The following ATRNL1 variants were observed in gnomAD, a reference collection of about 807,000 sequenced individuals.
ATRNL1 encodes attractin like 1.
Under a neutral mutation model 182.7 loss-of-function variants are expected in ATRNL1, and 95 were observed. The observed-to-expected ratio is 0.52, with a 90% CI of 0.44 to 0.62. The LOEUF (loss-of-function observed/expected upper bound fraction) is 0.62. Ranked by LOEUF, ATRNL1 falls within the 20% of genes least tolerant of loss-of-function variation. The pLI, the probability that ATRNL1 is intolerant of heterozygous loss-of-function variation, is 0.00. For synonymous variants in ATRNL1, 576 were observed against 568.3 expected, an observed-to-expected ratio of 1.01 and a Z score of -0.19; for missense variants, 1,471 against 1,679.5, an observed-to-expected ratio of 0.88 and a Z score of 2.17.
intron 26 of ATRNL1, among the ~76,000 whole-genome samples, chr10:115,694,050 C>G (rs891276513): frequency 6.6e-6 from 1 of 151,882 alleles, no homozygotes; most frequent in African/African-American, 2.4e-5. Context: ...CATATAGTAA[C>G]CCATGTATAA....
chr10:115,729,322 A>G lies in ATRNL1; in HGVS notation c.3903+1967A>G, dbSNP rs1947713360. On this transcript the variant is annotated intron_variant, in intron 27 of 28. Transcript: ENST00000355044. ...CTAGCCCTACTTTCTTTTAGTCCATATTTTCTGATATTCCTTATTTCATTT... is the reference window on the plus strand; with the variant it reads ...CTAGCCCTACTTTCTTTTAGTCCATGTTTTCTGATATTCCTTATTTCATTT... 2.1e-5 allele frequency among the ~76,000 whole-genome samples: 3 copies of G among 146,104 alleles called. No homozygotes were observed. The Admixed American group carries it at 2.1e-4, about 10-fold the overall frequency.
At chr10:115,595,419 G>C (rs1555013685) in intron 26 of ATRNL1, among the ~76,000 whole-genome samples, 1 of 152,070 alleles carries the variant, frequency 6.6e-6, no homozygotes, top group South Asian at 2.1e-4. Context: ...ATATTAACTA[G>C]TGAAAATAGT....
chr10:115,165,149 A>G (rs1554884068), intron 6 of ATRNL1, among the ~76,000 whole-genome samples: 3 of 152,032 alleles, frequency 2.0e-5, no homozygotes, highest in Non-Finnish European at 4.4e-5. Context: ...AAAAAAAAGG[A>G]ATAAAAATAA....
At chr10:115,559,448 G>GCGCGCGCGCGCACGCA (rs1565165032) in intron 26 of ATRNL1, among the ~76,000 whole-genome samples, 13 of 51,620 alleles carry the variant, frequency 2.5e-4, no homozygotes, top group Non-Finnish European at 7.3e-4. Context: ...GTGTGTGCGC[G>GCGCGCGCGCGCACGCA]CGCGCACGCA....
chr10:115,319,219 C>T (rs190003255), intron 18 of ATRNL1, among the ~76,000 whole-genome samples: 78 of 152,174 alleles, frequency 5.1e-4, no homozygotes, highest in African/African-American at 1.5e-3. Flanking sequence ...TTCTTAATCC[C>T]GAGTTCTAAT....
At chr10:115,384,361 A>G (rs1247711410) in intron 19 of ATRNL1, among the ~76,000 whole-genome samples, 1 of 152,034 alleles carries the variant, frequency 6.6e-6, no homozygotes, top group Non-Finnish European at 1.5e-5. Context: ...TTTCCACTGT[A>G]TCTCCTCCCC....
chr10:115,319,174 T>C (rs1386489373), intron 18 of ATRNL1, among the ~76,000 whole-genome samples: 4 of 152,248 alleles, frequency 2.6e-5, no homozygotes, highest in Non-Finnish European at 4.4e-5. Context: ...AGCAGGTTGT[T>C]CAATTTCCAT....
intron 21 of ATRNL1, among the ~76,000 whole-genome samples, chr10:115,439,412 T>C (rs1436355841): frequency 6.6e-6 from 1 of 151,714 alleles, no homozygotes; most frequent in African/African-American, 2.4e-5. Context: ...TGGTTTACAT[T>C]TTTTTTGGCC....
chr10:115,191,295 ATTC>A (rs1254000940), intron 8 of ATRNL1, among the ~76,000 whole-genome samples: 1 of 151,982 alleles, frequency 6.6e-6, no homozygotes, highest in Non-Finnish European at 1.5e-5. Context: ...ACTCCAAACT[ATTC>A]TTCATAGTGG....
intron 15 of ATRNL1, among the ~76,000 whole-genome samples, chr10:115,297,268 A>G (rs1322157681): frequency 1.3e-5 from 2 of 152,176 alleles, no homozygotes; most frequent in Non-Finnish European, 2.9e-5. Context: ...TTTTTAGCAT[A>G]TGGGACAAAC....
chr10:115,159,939 A>G, intron 5 of ATRNL1, 101 bp from the exon 6 acceptor site: 7 of 809,280 alleles, frequency 8.6e-6, no homozygotes, highest in Non-Finnish European at 1.1e-5. Context: ...TGTTAATATG[A>G]TAAACATTGA....
chr10:115,827,676 G>A (rs1270789674), intron 27 of ATRNL1, among the ~76,000 whole-genome samples: 2 of 152,160 alleles, frequency 1.3e-5, no homozygotes, highest in Non-Finnish European at 2.9e-5. Flanking sequence ...ATGAAATTTA[G>A]AGAAGAGATG....
At chr10:115,863,182 T>G (rs1415182565) in intron 28 of ATRNL1, among the ~76,000 whole-genome samples, 1 of 152,144 alleles carries the variant, frequency 6.6e-6, no homozygotes, top group East Asian at 1.9e-4. Flanking sequence ...AGAAAAAACC[T>G]GACCTTTCAC....
intron 17 of ATRNL1, among the ~76,000 whole-genome samples, chr10:115,303,225 T>G (rs1010660389): frequency 2.2e-4 from 33 of 146,706 alleles, no homozygotes; most frequent in African/African-American, 8.2e-4. Flanking sequence ...ATGCAGGTTT[T>G]TTTTTTTTTT....
At chr10:115,605,525 C>G (rs1555017340) in intron 26 of ATRNL1, among the ~76,000 whole-genome samples, 1 of 151,746 alleles carries the variant, frequency 6.6e-6, no homozygotes, top group African/African-American at 2.4e-5. Context: ...GTTTGATTTC[C>G]AATTTTTTTG....
intron 28 of ATRNL1, among the ~76,000 whole-genome samples, chr10:115,891,369 C>G (rs1342199366): frequency 6.6e-6 from 1 of 152,174 alleles, no homozygotes; most frequent in Non-Finnish European, 1.5e-5. Context: ...AAGAACAGAA[C>G]ATCCAAAAAC....
intron 26 of ATRNL1, among the ~76,000 whole-genome samples, chr10:115,613,975 T>C (rs1403744610): frequency 6.6e-6 from 1 of 151,992 alleles, no homozygotes; most frequent in Non-Finnish European, 1.5e-5. Flanking sequence ...TAGGTTTTTG[T>C]TTTGCTGATC....
At chr10:115,914,939 A>G (rs1445057801) in intron 28 of ATRNL1, among the ~76,000 whole-genome samples, 1 of 152,210 alleles carries the variant, frequency 6.6e-6, no homozygotes, top group Admixed American at 6.5e-5. Context: ...TTTATTGAGA[A>G]AGAAAAGTAT....
intron 26 of ATRNL1, among the ~76,000 whole-genome samples, chr10:115,646,807 A>G (rs1341798891): frequency 6.6e-6 from 1 of 151,718 alleles, no homozygotes; most frequent in African/African-American, 2.4e-5. Context: ...AATTTTTTTT[A>G]TTATACTTTA....
Sources: gnomAD v4.1 joint callset for allele counts (sites outside exome capture counted in the v4.1 genomes callset) on GRCh38, gnomAD v4.1.1 for gene constraint, MANE v1.5 for transcripts, NCBI Gene and HGNC (gene_info 2026-07-23, HGNC 2026-07-21) for gene names.